Variants in CLASP1 observed in about 807,000 individuals in gnomAD.
The protein encoded by CLASP1 is CLIP-associating protein 1.
A neutral mutation model predicts 192.3 loss-of-function variants in CLASP1; 38 were observed. The ratio of observed to expected loss-of-function variants is 0.20; its 90% CI spans 0.15 to 0.26. CLASP1 has a LOEUF of 0.26. Among genes scored for constraint, CLASP1 ranks in the 10% least tolerant of loss-of-function variants. The pLI is 1.00. For synonymous variants in CLASP1, 691 were observed against 712.8 expected (o/e 0.97, Z 0.49); for missense variants, 1,433 against 1,932.5 (o/e 0.74, Z 4.85).
At chr2:121,384,959 ACTGT>A (rs1213776343) in intron 32 of CLASP1, among the ~76,000 whole-genome samples, 1 of 152,114 alleles carries the variant, frequency 6.6e-6, no homozygotes, top group African/African-American at 2.4e-5. Context: ...ATAAAATAAC[ACTGT>A]CTGGTCAAGA....
intron 8 of CLASP1, among the ~76,000 whole-genome samples, chr2:121,487,769 T>C (rs2093067124): frequency 6.6e-6 from 1 of 152,232 alleles, no homozygotes; most frequent in South Asian, 2.1e-4. Flanking sequence ...TCCTTTAGAA[T>C]GGGATATTTG....
chr2:121,639,819 C>T (rs2071670709), intron 1 of CLASP1, among the ~76,000 whole-genome samples: 1 of 146,586 alleles, frequency 6.8e-6, no homozygotes, highest in Non-Finnish European at 1.5e-5. Context: ...GCCAAGATTG[C>T]ACCATGGCAC....
intron 2 of CLASP1, among the ~76,000 whole-genome samples, chr2:121,592,319 C>T (rs1054900003): frequency 2.0e-5 from 3 of 152,176 alleles, no homozygotes; most frequent in Non-Finnish European, 2.9e-5. Context: ...AGCCATCGCT[C>T]CATTTTTACT....
intron 2 of CLASP1, among the ~76,000 whole-genome samples, chr2:121,550,093 A>C (rs937287983): frequency 6.6e-6 from 1 of 152,068 alleles, no homozygotes; most frequent in Admixed American, 6.6e-5. Context: ...AGACCAAGAA[A>C]ATCACTGAAA....
At chr2:121,631,258 T>C (rs886714955) in intron 1 of CLASP1, among the ~76,000 whole-genome samples, 1 of 149,330 alleles carries the variant, frequency 6.7e-6, no homozygotes, top group Admixed American at 6.7e-5. Context: ...AAATGACACA[T>C]GACATGTTTC....
intron 1 of CLASP1, among the ~76,000 whole-genome samples, chr2:121,616,648 T>A (rs1346141569): frequency 6.6e-6 from 1 of 152,186 alleles, no homozygotes; most frequent in African/African-American, 2.4e-5. Context: ...CTTTTCTGTA[T>A]TAGGATGATT....
chr2:121,489,904 C>G (rs1204580798), intron 8 of CLASP1, among the ~76,000 whole-genome samples: 1 of 152,194 alleles, frequency 6.6e-6, no homozygotes, highest in Non-Finnish European at 1.5e-5. Flanking sequence ...AGATTATTTT[C>G]AAGACCACTT....
chr2:121,347,553 C>T (rs1245702659), intron 38 of CLASP1, among the ~76,000 whole-genome samples: 1 of 152,208 alleles, frequency 6.6e-6, no homozygotes, highest in Non-Finnish European at 1.5e-5. Context: ...GTGAAAATGC[C>T]TTTAAAGAAA....
At chr2:121,391,051 G>A (rs1230655218) in intron 30 of CLASP1, among the ~76,000 whole-genome samples, 2 of 152,124 alleles carry the variant, frequency 1.3e-5, no homozygotes, top group Non-Finnish European at 2.9e-5. Context: ...CTATATCACT[G>A]AGAAGGTAGT....
At chr2:121,348,355 A>C (rs955471676) in intron 38 of CLASP1, among the ~76,000 whole-genome samples, 157 bp downstream of exon 39, 1 of 152,184 alleles carries the variant, frequency 6.6e-6, no homozygotes, top group Non-Finnish European at 1.5e-5. Context: ...CCGACAGAGG[A>C]GGCTGTGAAG....
intron 2 of CLASP1, among the ~76,000 whole-genome samples, chr2:121,536,060 T>C (rs2095059328): frequency 6.6e-6 from 1 of 151,962 alleles, no homozygotes; most frequent in Admixed American, 6.6e-5. Context: ...GGTAGAGTTG[T>C]TGTGGAAAAT....
rs1228850083 is a variant in CLASP1 at position 121,574,649 on chromosome 2, A to AC, written c.195+31051_195+31052insG. 1.5e-3 allele frequency among the ~76,000 whole-genome samples: 221 copies of AC among 149,502 alleles called. 1 individual carries two copies. The highest frequency in any genetic ancestry group is 5.1e-3 in the African/African-American group (207 of 40,542). ...GACTCCATATCAAAAAAAAAAAAAA[A>AC]AAACAAAAACCGGGTGCGGTGGCTC... is the stretch of plus-strand genomic sequence containing the variant. On this transcript the variant is annotated intron_variant, in intron 2 of 39. Transcript: ENST00000263710.
At chr2:121,476,990 C>CT (rs1479478805) in intron 8 of CLASP1, among the ~76,000 whole-genome samples, 1 of 152,230 alleles carries the variant, frequency 6.6e-6, no homozygotes. Context: ...CTTGTCCTGT[C>CT]TGCCAGACAC....
intron 39 of CLASP1, among the ~76,000 whole-genome samples, chr2:121,345,231 C>G (rs902674576): frequency 1.3e-5 from 2 of 152,168 alleles, no homozygotes; most frequent in East Asian, 3.9e-4. Context: ...CTCCAAACCC[C>G]TGAGGAACTA....
In CLASP1 at chr2:121,451,770, G is replaced by A; in HGVS notation, c.1445+20C>T. On this transcript the variant is annotated intron_variant, in intron 15 of 39. Coordinates refer to ENST00000263710, the Ensembl canonical transcript of CLASP1. ...AAGGCTCAATTCAGAGGGAAAAATG[G>A]TTTCAAATCAGATGCTCACCGTTCT... is the stretch of plus-strand genomic sequence containing the variant. 1.3e-6 allele frequency: 2 copies of A among 1,562,066 alleles called. No homozygotes were observed. Among genetic ancestry groups the A allele is most frequent in the East Asian group, 2.4e-5 (1 of 42,406 alleles).
At chr2:121,611,605 G>A (rs1179000880) in intron 1 of CLASP1, among the ~76,000 whole-genome samples, 2 of 136,964 alleles carry the variant, frequency 1.5e-5, no homozygotes, top group Non-Finnish European at 3.1e-5. Context: ...GGAGGAGTTG[G>A]AGGAGTTACA....
At chr2:121,448,877 A>AG (rs766798801) in intron 17 of CLASP1, 76 bp downstream of exon 17, 19 of 1,444,242 alleles carry the variant, frequency 1.3e-5, no homozygotes, top group Non-Finnish European at 1.8e-5. Flanking sequence ...AAACATAGCT[A>AG]GAATTTGTGT....
intron 2 of CLASP1, among the ~76,000 whole-genome samples, chr2:121,533,681 TTTC>T (rs1363389939): frequency 2.0e-5 from 3 of 152,234 alleles, no homozygotes; most frequent in African/African-American, 7.2e-5. Flanking sequence ...TTGTAATTTT[TTTC>T]TTCCAACACC....
intron 2 of CLASP1, among the ~76,000 whole-genome samples, chr2:121,566,861 ACTTGG>A (rs1310641542): frequency 1.3e-5 from 2 of 152,146 alleles, no homozygotes; most frequent in African/African-American, 2.4e-5. Context: ...CCAAGACACA[ACTTGG>A]AACACCCTAG....
Sources: gnomAD v4.1 joint callset for allele counts (sites outside exome capture counted in the v4.1 genomes callset) on GRCh38, gnomAD v4.1.1 for gene constraint, MANE v1.5 for transcripts, NCBI Gene and HGNC (gene_info 2026-07-23, HGNC 2026-07-21) for gene names.